STX8: variants seen among roughly 807,000 people sequenced by gnomAD.
The protein encoded by STX8 is syntaxin 8, also known as syntaxin-8.
In STX8, 23 loss-of-function variants were observed where a neutral mutation model predicts 37.5. The observed-to-expected ratio is 0.61, with a 90% CI of 0.44 to 0.87. STX8 has a LOEUF of 0.87. Ranked by LOEUF, STX8 falls within the 40% of genes least tolerant of loss-of-function variation. The pLI is 0.00. For missense variants in STX8, 313 were observed against 284.7 expected, an observed-to-expected ratio of 1.10 and a Z score of -0.71; for synonymous variants, 115 against 99.1, an observed-to-expected ratio of 1.16 and a Z score of -0.95.
intron 4 of STX8, among the ~76,000 whole-genome samples, chr17:9,512,860 C>A (rs1457675279): frequency 6.6e-6 from 1 of 152,094 alleles, no homozygotes; most frequent in Non-Finnish European, 1.5e-5. Flanking sequence ...CCATCTATCA[C>A]CCTAAGGAAA....
rs58555361 is a variant in STX8, at chr17:9,299,032, G to A, written c.644-48387C>T. ...GGTTTTTCTCTTGTCGGTGTTTTGC[G>A]AGCCCTCTCTCACTTTCCTTGATTC... On this transcript the variant is annotated intron_variant, in intron 7 of 7. Transcript: ENST00000306357. Among the ~76,000 whole-genome samples the A allele has an allele frequency of 9.4e-3, 1,430 of 152,138 alleles. 20 individuals are homozygous for A. The highest frequency in any genetic ancestry group is 0.033 in the African/African-American group (1,370 of 41,490).
chr17:9,296,368 C>T (rs1476192848), intron 7 of STX8, among the ~76,000 whole-genome samples: 3 of 150,770 alleles, frequency 2.0e-5, no homozygotes, highest in African/African-American at 4.9e-5. Flanking sequence ...CGTGGTGGTG[C>T]GTGCCTGTAA....
intron 7 of STX8, among the ~76,000 whole-genome samples, chr17:9,269,538 A>T (rs1278115329): frequency 6.6e-6 from 1 of 152,218 alleles, no homozygotes; most frequent in Non-Finnish European, 1.5e-5. Context: ...GTGTTTGAGG[A>T]TAATATTAAA....
intron 7 of STX8, among the ~76,000 whole-genome samples, chr17:9,357,429 C>A (rs1280756124): frequency 6.6e-6 from 1 of 152,032 alleles, no homozygotes; most frequent in Non-Finnish European, 1.5e-5. Context: ...GTGGCTCACG[C>A]CTGTAATCCC....
At chr17:9,345,848 C>CTTTTTTTTT (rs545020159) in intron 7 of STX8, among the ~76,000 whole-genome samples, 2,823 of 51,934 alleles carry the variant, frequency 0.054, 811 homozygotes, top group East Asian at 0.23. Context: ...TTATGCATTC[C>CTTTTTTTTT]TTTTTTTTTT....
chr17:9,525,351 CTTTT>C (rs35824131), intron 4 of STX8, among the ~76,000 whole-genome samples: 5 of 143,732 alleles, frequency 3.5e-5, no homozygotes, highest in Non-Finnish European at 7.7e-5. Flanking sequence ...TTTCTCTTTT[CTTTT>C]TTTTTTTTTG....
intron 6 of STX8, among the ~76,000 whole-genome samples, chr17:9,462,426 A>C (rs923208629): frequency 6.6e-6 from 1 of 152,246 alleles, no homozygotes; most frequent in Non-Finnish European, 1.5e-5. Context: ...CTCTTTCAAA[A>C]ATTTCCATCA....
chr17:9,449,490 G>T (rs546547108), intron 6 of STX8, among the ~76,000 whole-genome samples: 2 of 152,288 alleles, frequency 1.3e-5, no homozygotes, highest in East Asian at 3.9e-4. Context: ...AACCCCGGGG[G>T]ACGGAGCCTG....
chr17:9,543,442 C>T (rs958040066), intron 4 of STX8, among the ~76,000 whole-genome samples: 3 of 151,958 alleles, frequency 2.0e-5, no homozygotes, highest in Admixed American at 1.3e-4. Context: ...TACAGGTGCC[C>T]GCCACCACAA....
intron 7 of STX8, among the ~76,000 whole-genome samples, chr17:9,367,380 T>C (rs9903619): frequency 0.24 from 37,162 of 151,736 alleles, 4,757 homozygotes; most frequent in African/African-American, 0.33. Context: ...ACCATCCAGA[T>C]CACAACCTTC....
chr17:9,264,131 G>T (rs1242968305), intron 7 of STX8, among the ~76,000 whole-genome samples: 1 of 152,202 alleles, frequency 6.6e-6, no homozygotes, highest in East Asian at 1.9e-4. Context: ...AGAAGACAGA[G>T]AAAAGAGATG....
chr17:9,377,493 C>T (rs912311268), intron 7 of STX8, among the ~76,000 whole-genome samples: 1 of 152,070 alleles, frequency 6.6e-6, no homozygotes, highest in Admixed American at 6.6e-5. Flanking sequence ...AATTTTGAGA[C>T]AGGGTCTCAC....
chr17:9,512,690 A>C (rs1905053469), intron 4 of STX8, among the ~76,000 whole-genome samples: 5 of 152,004 alleles, frequency 3.3e-5, no homozygotes, highest in Admixed American at 3.3e-4. Flanking sequence ...CAATCTGCCC[A>C]CCTCAGCCTC....
chr17:9,498,730 G>A (rs527968383), intron 5 of STX8, among the ~76,000 whole-genome samples: 1 of 152,232 alleles, frequency 6.6e-6, no homozygotes, highest in South Asian at 2.1e-4. Flanking sequence ...TTTCCTGCTA[G>A]AGTCTAGAAA....
At chr17:9,416,810 T>C (rs1313713149) in intron 6 of STX8, among the ~76,000 whole-genome samples, 1 of 152,190 alleles carries the variant, frequency 6.6e-6, no homozygotes, top group Non-Finnish European at 1.5e-5. Flanking sequence ...TCTGCTAAAA[T>C]GTACACAGTT....
In STX8 at chr17:9,559,745, T is replaced by TATATAC. The variant is rs201304843; in HGVS notation, c.118-2218_118-2217insGTATAT. On this transcript the variant is annotated intron_variant, in intron 2 of 7. Coordinates refer to ENST00000306357, the MANE Select transcript of STX8 (RefSeq NM_004853.3). ...AGATTATTATTATTTTATATATATA[T>TATATAC]ATATATATATATATATTTTTTTTTT... 7.5e-3 allele frequency among the ~76,000 whole-genome samples: 250 copies of TATATAC among 33,188 alleles called. 28 individuals carry two copies. The highest frequency in any genetic ancestry group is 0.031 in the Middle Eastern group (1 of 32). 21.8% of individuals were successfully genotyped at this position (33,188 alleles called of 152,430 possible). A position where few individuals can be genotyped will look rare whatever the true frequency, so the allele number is the denominator to read the frequency against.
intron 4 of STX8, among the ~76,000 whole-genome samples, chr17:9,512,823 C>A (rs1905057115): frequency 6.6e-6 from 1 of 152,134 alleles, no homozygotes; most frequent in African/African-American, 2.4e-5. Context: ...ACTGAATATG[C>A]ACATGCATAA....
At chr17:9,319,974 A>ATAAG (rs1909521302) in intron 7 of STX8, among the ~76,000 whole-genome samples, 1 of 151,838 alleles carries the variant, frequency 6.6e-6, no homozygotes, top group African/African-American at 2.4e-5. Context: ...AAATAAATAA[A>ATAAG]ATAAAATAAA....
intron 6 of STX8, among the ~76,000 whole-genome samples, chr17:9,419,219 G>A (rs530648676): frequency 6.6e-6 from 1 of 151,578 alleles, no homozygotes; most frequent in Non-Finnish European, 1.5e-5. Flanking sequence ...GTATCACCAT[G>A]CCCAGTTCGT....
Sources: allele counts gnomAD v4.1 joint callset (sites outside exome capture counted in the v4.1 genomes callset), GRCh38; gene constraint gnomAD v4.1.1; transcripts MANE v1.5; gene names NCBI Gene and HGNC (gene_info 2026-07-23, HGNC 2026-07-21).